Variants in PTPRJ observed in about 807,000 individuals in gnomAD.
PTPRJ encodes the protein protein tyrosine phosphatase receptor type J.
A neutral mutation model predicts 141.3 loss-of-function variants in PTPRJ; 129 were observed. That is an observed-to-expected ratio of 0.91 (90% CI 0.79 to 1.06). PTPRJ has a LOEUF of 1.06. Ranked by LOEUF, PTPRJ falls within the 50% of genes least tolerant of loss-of-function variation. The pLI is 0.00. For synonymous variants in PTPRJ, 610 were observed against 640.5 expected (o/e 0.95, Z 0.72); for missense variants, 1,601 against 1,679.7 (o/e 0.95, Z 0.82).
Position 48,169,537 on chromosome 11 carries a change from G to A in PTPRJ, c.*2175G>A, listed in dbSNP as rs1858006618. On this transcript the variant is annotated 3_prime_UTR_variant, in exon 25 of 25. Coordinates refer to ENST00000418331, the MANE Select transcript of PTPRJ (RefSeq NM_002843.4). ...GGAGCGGTCGGTACTTCATTCATAG[G>A]TCCCTGTTCAGGCAGCAGTTCTGTG... is the stretch of plus-strand genomic sequence containing the variant. The A allele has an allele frequency of 6.6e-6, 1 of 152,020 alleles. No homozygotes were observed. Among genetic ancestry groups the A allele is most frequent in the African/African-American group, 2.4e-5 (1 of 41,374 alleles). 9.4% of individuals were successfully genotyped at this position (152,020 alleles called of 1,614,324 possible). A position where few individuals can be genotyped will look rare whatever the true frequency, so the allele number is the denominator to read the frequency against.
intron 21 of PTPRJ, among the ~76,000 whole-genome samples, chr11:48,156,902 A>T (rs1857622539): frequency 6.6e-6 from 1 of 151,786 alleles, no homozygotes; most frequent in South Asian, 2.1e-4. Context: ...CCATTTCTTT[A>T]AGCAAAATCT....
intron 1 of PTPRJ, among the ~76,000 whole-genome samples, chr11:48,057,574 G>A (rs1012152964): frequency 5.3e-5 from 8 of 152,126 alleles, no homozygotes; most frequent in Non-Finnish European, 1.2e-4. Context: ...AGGTGGTGGA[G>A]GTGGTGGCAG....
chr11:48,041,611 A>G (rs1380210688), intron 1 of PTPRJ, among the ~76,000 whole-genome samples: 2 of 152,052 alleles, frequency 1.3e-5, no homozygotes, highest in Non-Finnish European at 2.9e-5. Flanking sequence ...GAAATATGAC[A>G]ATCTTTTATT....
chr11:48,081,395 T>C (rs921711059), intron 1 of PTPRJ, among the ~76,000 whole-genome samples: 4 of 152,102 alleles, frequency 2.6e-5, no homozygotes, highest in African/African-American at 9.7e-5. Context: ...TTTTAAAACC[T>C]TGGTGGAAAC....
intron 1 of PTPRJ, among the ~76,000 whole-genome samples, chr11:48,050,879 C>G (rs1411160181): frequency 3.3e-5 from 5 of 152,036 alleles, no homozygotes; most frequent in African/African-American, 1.2e-4. Flanking sequence ...GTGCCTCTTT[C>G]TGTAGCAGGC....
intron 1 of PTPRJ, among the ~76,000 whole-genome samples, chr11:48,000,608 G>T (rs1005510379): frequency 6.6e-6 from 1 of 151,896 alleles, no homozygotes; most frequent in Non-Finnish European, 1.5e-5. Context: ...CCTCATCCTG[G>T]CTACCCACTC....
Position 48,112,874 on chromosome 11 carries a change from A to G in PTPRJ, c.243A>G (p.Thr81=). The change falls in exon 3 of 25, where the codon ACA becomes ACG. Residue 81 remains threonine, a synonymous_variant. Coordinates refer to ENST00000418331, the MANE Select transcript of PTPRJ (RefSeq NM_002843.4). The part of the protein sequence containing the change: ...QNGTGTPQVE[T]NTSEDGESSG... Reference sequence around the variant, plus strand: ...GAACTGGAACACCTCAGGTGGAAACAAACACCAGTGAGGATGGTGAAAGCT... The same window carrying G: ...GAACTGGAACACCTCAGGTGGAAACGAACACCAGTGAGGATGGTGAAAGCT... 1 of 1,614,202 alleles carries G rather than the reference A, an allele frequency of 6.2e-7. No individual in the cohort carries two copies. The highest frequency in any genetic ancestry group is 8.5e-7 in the Non-Finnish European group (1 of 1,180,026).
intron 6 of PTPRJ, 90 bp downstream of exon 6, chr11:48,125,276 A>G (rs1856808018): frequency 7.0e-7 from 1 of 1,422,398 alleles, no homozygotes; most frequent in African/African-American, 1.4e-5. Flanking sequence ...GATTTCTTGC[A>G]TAACAGCTAG....
At chr11:48,125,681 A>G (rs1856813982) in intron 6 of PTPRJ, among the ~76,000 whole-genome samples, 1 of 152,140 alleles carries the variant, frequency 6.6e-6, no homozygotes, top group African/African-American at 2.4e-5. Flanking sequence ...AAGTTCACCA[A>G]TATTTGGAGG....
chr11:48,107,484 T>C (rs576431043), intron 1 of PTPRJ, among the ~76,000 whole-genome samples: 1 of 152,130 alleles, frequency 6.6e-6, no homozygotes, highest in South Asian at 2.1e-4. Flanking sequence ...AACTGGGGTA[T>C]ATAGGGAAGT....
chr11:48,145,183 T>C (rs745326009), intron 14 of PTPRJ, 59 bp downstream of exon 14: 127 of 1,607,892 alleles, frequency 7.9e-5, no homozygotes, highest in Non-Finnish European at 1.0e-4. Context: ...CACGTGTCCA[T>C]AGAAGGCCAG....
At chr11:47,985,945 C>T (rs1854040400) in intron 1 of PTPRJ, among the ~76,000 whole-genome samples, 1 of 152,160 alleles carries the variant, frequency 6.6e-6, no homozygotes, top group Non-Finnish European at 1.5e-5. Flanking sequence ...AGGTGATCCG[C>T]CCACCTCGGC....
In PTPRJ at chr11:48,131,031, T is replaced by TACAC. The variant is rs368230622; in HGVS notation, c.1615+333_1615+336dup. ...TAATACATATATATTTAATATTTAA[T>TACAC]ACACACACACACACACACACATATA... On this transcript the variant is annotated intron_variant, in intron 8 of 24. Transcript: ENST00000418331. Among the ~76,000 whole-genome samples the TACAC allele has an allele frequency of 4.6e-3, 315 of 69,114 alleles. 1 individual carries two copies. Among genetic ancestry groups the TACAC allele is most frequent in the Admixed American group, 0.013 (49 of 3,894 alleles). 45.3% of individuals were successfully genotyped at this position (69,114 alleles called of 152,430 possible).
intron 1 of PTPRJ, among the ~76,000 whole-genome samples, chr11:48,031,743 A>G (rs146712486): frequency 1.3e-5 from 2 of 152,268 alleles, no homozygotes; most frequent in African/African-American, 2.4e-5. Flanking sequence ...GGTGCCTCTC[A>G]TGGTGTGCTT....
At chr11:47,993,369 T>C (rs1440382470) in intron 1 of PTPRJ, among the ~76,000 whole-genome samples, 1 of 152,166 alleles carries the variant, frequency 6.6e-6, no homozygotes, top group African/African-American at 2.4e-5. Context: ...CTCGGCTCCC[T>C]GCAGCCTCCA....
intron 1 of PTPRJ, among the ~76,000 whole-genome samples, chr11:48,030,760 T>C (rs1380668688): frequency 6.6e-6 from 1 of 151,670 alleles, no homozygotes; most frequent in Non-Finnish European, 1.5e-5. Context: ...AATAAATAAA[T>C]AAATAAAATA....
intron 1 of PTPRJ, among the ~76,000 whole-genome samples, chr11:47,982,486 C>T (rs1014814476): frequency 5.3e-5 from 8 of 152,172 alleles, no homozygotes; most frequent in South Asian, 2.1e-4. Flanking sequence ...GGGCTGTCTT[C>T]TCCCTGTCCA....
At chr11:48,012,832 C>T (rs948741432) in intron 1 of PTPRJ, among the ~76,000 whole-genome samples, 5 of 152,126 alleles carry the variant, frequency 3.3e-5, no homozygotes, top group South Asian at 2.1e-4. Context: ...AGGTTAGGCA[C>T]GGTAGCTCAT....
intron 1 of PTPRJ, among the ~76,000 whole-genome samples, chr11:48,103,810 C>A (rs1014952347): frequency 1.3e-5 from 2 of 152,206 alleles, no homozygotes; most frequent in Admixed American, 6.5e-5. Context: ...AGTTCACCCT[C>A]GGCTGTGCGT....
Sources: allele counts gnomAD v4.1 joint callset (sites outside exome capture counted in the v4.1 genomes callset), GRCh38; gene constraint gnomAD v4.1.1; transcripts MANE v1.5; gene names NCBI Gene and HGNC (gene_info 2026-07-23, HGNC 2026-07-21).